Variants in PLOD2 observed in about 807,000 individuals in gnomAD.
PLOD2 encodes procollagen-lysine,2-oxoglutarate 5-dioxygenase 2.
A neutral mutation model predicts 101.0 loss-of-function variants in PLOD2; 65 were observed. The ratio of observed to expected loss-of-function variants is 0.64; its 90% CI spans 0.53 to 0.79. PLOD2 has a LOEUF of 0.79. Ranked by LOEUF, PLOD2 falls within the 30% of genes least tolerant of loss-of-function variation. The probability of loss-of-function intolerance (pLI) is 0.00; values close to 1 mark genes in which losing one functional copy is unlikely to be tolerated. For missense variants in PLOD2, 909 were observed against 914.6 expected, an observed-to-expected ratio of 0.99 and a Z score of 0.08; for synonymous variants, 314 against 302.9, an observed-to-expected ratio of 1.04 and a Z score of -0.38.
intron 1 of PLOD2, among the ~76,000 whole-genome samples, chr3:146,132,045 A>C (rs2108110665): frequency 6.6e-6 from 1 of 152,276 alleles, no homozygotes; most frequent in Admixed American, 6.5e-5. Flanking sequence ...CCAACCTCTA[A>C]TGCTACATAG....
intron 7 of PLOD2, among the ~76,000 whole-genome samples, chr3:146,100,656 T>C (rs544879747): frequency 1.3e-5 from 2 of 152,294 alleles, no homozygotes; most frequent in African/African-American, 4.8e-5. Context: ...AAGTTGAAAG[T>C]AATGTAGTAT....
chr3:146,157,438 TAAAC>T (rs1358846267), intron 1 of PLOD2, among the ~76,000 whole-genome samples: 1 of 152,108 alleles, frequency 6.6e-6, no homozygotes, highest in Non-Finnish European at 1.5e-5. Flanking sequence ...GAGCTAGACT[TAAAC>T]AATAAACAGG....
chr3:146,101,629 A>G (rs1442753456), intron 7 of PLOD2, among the ~76,000 whole-genome samples: 1 of 152,220 alleles, frequency 6.6e-6, no homozygotes, highest in Non-Finnish European at 1.5e-5. Context: ...AGTGACAGCG[A>G]GTTATCTATA....
In PLOD2 at chr3:146,123,594, T is replaced by C. The variant is rs9811822; in HGVS notation, c.201+544A>G. Among the ~76,000 whole-genome samples the C allele has an allele frequency of 4.3e-3, 654 of 152,204 alleles. 2 individuals carry two copies. Among genetic ancestry groups the C allele is most frequent in the Non-Finnish European group, 6.9e-3 (469 of 67,962 alleles). On this transcript the variant is annotated intron_variant, in intron 2 of 19. Transcript: ENST00000282903. ...GCACCCTCTTCACATTTGTTTCTAA[T>C]TCCCTGCAAACAAAGAATCATCCTA... is the stretch of plus-strand genomic sequence containing the variant.
At chr3:146,089,498 A>G (rs1936901876) in intron 8 of PLOD2, among the ~76,000 whole-genome samples, 1 of 151,656 alleles carries the variant, frequency 6.6e-6, no homozygotes, top group Non-Finnish European at 1.5e-5. Flanking sequence ...TCTATGGAAG[A>G]CTTGTTTATA....
At chr3:146,137,429 G>C (rs1168074849) in intron 1 of PLOD2, among the ~76,000 whole-genome samples, 1 of 152,098 alleles carries the variant, frequency 6.6e-6, no homozygotes, top group Non-Finnish European at 1.5e-5. Context: ...TTGTATTTCT[G>C]GTAGACATAG....
At chr3:146,137,883 C>T (rs1244838784) in intron 1 of PLOD2, among the ~76,000 whole-genome samples, 1 of 151,918 alleles carries the variant, frequency 6.6e-6, no homozygotes, top group Non-Finnish European at 1.5e-5. Context: ...GGAGGTTAAA[C>T]AATGAAGGGC....
intron 3 of PLOD2, 109 bp downstream of exon 3, chr3:146,121,003 G>A (rs2030090083): frequency 2.3e-6 from 2 of 878,820 alleles, no homozygotes; most frequent in South Asian, 2.8e-5. Context: ...TTACAGGCGT[G>A]AGCCACCGTG....
At chr3:146,138,880 A>T (rs1447707706) in intron 1 of PLOD2, among the ~76,000 whole-genome samples, 3 of 152,168 alleles carry the variant, frequency 2.0e-5, no homozygotes, top group Non-Finnish European at 2.9e-5. Context: ...CCAATATTAC[A>T]TTTAACTGTG....
At chr3:146,080,155 C>G (rs575738294) in intron 12 of PLOD2, among the ~76,000 whole-genome samples, 1 of 152,052 alleles carries the variant, frequency 6.6e-6, no homozygotes, top group African/African-American at 2.4e-5. Flanking sequence ...GCAGTCCCCG[C>G]CTTATGTGAG....
At chr3:146,117,709 T>G (rs1264672510) in intron 3 of PLOD2, among the ~76,000 whole-genome samples, 2 of 152,150 alleles carry the variant, frequency 1.3e-5, no homozygotes, top group African/African-American at 2.4e-5. Context: ...AAATTTTATC[T>G]GTTTGTTTCC....
In PLOD2 at chr3:146,118,524, G is replaced by C. The variant is rs183326571; in HGVS notation, c.338+2588C>G. On this transcript the variant is annotated intron_variant, in intron 3 of 19. Transcript: ENST00000282903. ...ATTTGTGTCTTTATATTTTCAAATT[G>C]AGAAAAAATATGTAAAAAGACCTTC... Among the ~76,000 whole-genome samples, 277 of 151,914 alleles carry C rather than the reference G, an allele frequency of 1.8e-3. 2 individuals are homozygous for C. Among genetic ancestry groups the C allele is most frequent in the African/African-American group, 6.4e-3 (266 of 41,426 alleles).
intron 1 of PLOD2, among the ~76,000 whole-genome samples, chr3:146,142,278 G>A (rs576893389): frequency 8.6e-5 from 13 of 151,964 alleles, no homozygotes; most frequent in East Asian, 5.8e-4. Context: ...AAATTAATAC[G>A]AATGCAGTGT....
chr3:146,149,465 T>C (rs2031954948), intron 1 of PLOD2, among the ~76,000 whole-genome samples: 1 of 152,152 alleles, frequency 6.6e-6, no homozygotes, highest in South Asian at 2.1e-4. Flanking sequence ...ATCTCACTTA[T>C]CCACTCTGCC....
intron 10 of PLOD2, chr3:146,086,436 C>CA (rs1380594395): frequency 6.2e-6 from 1 of 162,338 alleles, no homozygotes; most frequent in Non-Finnish European, 1.3e-5. Flanking sequence ...TCTAAATAAA[C>CA]ACACTTTTAC....
intron 1 of PLOD2, among the ~76,000 whole-genome samples, chr3:146,130,019 T>A (rs371152073): frequency 6.6e-5 from 10 of 152,168 alleles, no homozygotes; most frequent in Non-Finnish European, 1.3e-4. Context: ...AATACCCTCT[T>A]AGGATAGTAG....
At chr3:146,077,948 T>C in intron 13 of PLOD2, 24 bp from the exon 14 acceptor site, 1 of 1,357,324 alleles carries the variant, frequency 7.4e-7, no homozygotes, top group Non-Finnish European at 1.1e-6. Context: ...AAGCATTGGG[T>C]AAGTTGACCT....
chr3:146,154,801 G>GA (rs1258419848), intron 1 of PLOD2, among the ~76,000 whole-genome samples: 2 of 151,988 alleles, frequency 1.3e-5, no homozygotes, highest in Non-Finnish European at 2.9e-5. Context: ...ATCAAGGCCT[G>GA]AAAAAAATGC....
intron 12 of PLOD2, 151 bp from the exon 13 acceptor site, chr3:146,079,408 A>G (rs1936454554): frequency 4.7e-6 from 3 of 642,860 alleles, no homozygotes; most frequent in African/African-American, 1.8e-5. Flanking sequence ...ATATATATAT[A>G]AGATTACATT....
Sources: allele counts gnomAD v4.1 joint callset (sites outside exome capture counted in the v4.1 genomes callset), GRCh38; gene constraint gnomAD v4.1.1; transcripts MANE v1.5; gene names NCBI Gene and HGNC (gene_info 2026-07-23, HGNC 2026-07-21).